The following MYO1E variants were observed in gnomAD, a reference collection of about 807,000 sequenced individuals.
MYO1E encodes unconventional myosin-Ie.
MYO1E carries 68 observed loss-of-function variants against 151.1 expected under a neutral mutation model. The ratio of observed to expected loss-of-function variants is 0.45; its 90% CI spans 0.37 to 0.55. The LOEUF is 0.55. MYO1E is among the 20% of genes least tolerant of loss of function. The pLI is 0.00. For missense variants in MYO1E, 1,363 were observed against 1,389.3 expected (o/e 0.98, Z 0.30); for synonymous variants, 601 against 501.7 (o/e 1.20, Z -2.64).
intron 1 of MYO1E, among the ~76,000 whole-genome samples, chr15:59,310,891 A>C (rs760998220): frequency 1.1e-4 from 16 of 152,136 alleles, no homozygotes; most frequent in Admixed American, 7.2e-4. Context: ...TTTTGTTAAA[A>C]ACCTCCACTT....
At chr15:59,248,934 G>T (rs1316911751) in intron 4 of MYO1E, among the ~76,000 whole-genome samples, 1 of 152,140 alleles carries the variant, frequency 6.6e-6, no homozygotes. Context: ...CTGTCCACAG[G>T]CAGAATTCTG....
At chr15:59,354,305 G>A (rs1410018529) in intron 1 of MYO1E, among the ~76,000 whole-genome samples, 1 of 152,170 alleles carries the variant, frequency 6.6e-6, no homozygotes, top group Non-Finnish European at 1.5e-5. Flanking sequence ...GTTGGCTTAA[G>A]GAAAAACAAA....
At position 59,153,574 on chromosome 15, in the gene MYO1E, G is replaced by A. The variant is rs376857027; in HGVS notation, c.3080+16C>T. On this transcript the variant is annotated intron_variant, in intron 26 of 27. Coordinates refer to ENST00000288235, the MANE Select transcript of MYO1E (RefSeq NM_004998.4). ...TGGAGCTTGCCGGCTTCATCCAGAGGATGTGAGAATCTTACCCTGCAGCTC... is the reference window on the plus strand; with the variant it reads ...TGGAGCTTGCCGGCTTCATCCAGAGAATGTGAGAATCTTACCCTGCAGCTC... 2.5e-6 allele frequency: 4 copies of A among 1,612,970 alleles called. No homozygotes were observed. The highest frequency in any genetic ancestry group is 3.4e-6 in the Non-Finnish European group (4 of 1,179,232).
chr15:59,259,188 C>T (rs771154667), intron 3 of MYO1E, among the ~76,000 whole-genome samples: 2 of 152,060 alleles, frequency 1.3e-5, no homozygotes, highest in Non-Finnish European at 2.9e-5. Flanking sequence ...TAAAAATGTA[C>T]TTACTTGTTC....
chr15:59,323,812 G>T (rs981589163), intron 1 of MYO1E, among the ~76,000 whole-genome samples: 2 of 152,044 alleles, frequency 1.3e-5, no homozygotes, highest in African/African-American at 4.8e-5. Context: ...GGGACAAAGG[G>T]TGCAGCCAGA....
intron 18 of MYO1E, among the ~76,000 whole-genome samples, chr15:59,182,537 G>GT (rs1216818459): frequency 1.3e-5 from 2 of 152,114 alleles, no homozygotes; most frequent in Non-Finnish European, 2.9e-5. Context: ...ACCAAGAAAA[G>GT]TATGACAACA....
At position 59,205,500 on chromosome 15, in the gene MYO1E, A is replaced by G; in HGVS notation, c.1531-15T>C. On this transcript the variant is annotated splice_polypyrimidine_tract_variant and intron_variant, in intron 14 of 27. Transcript: ENST00000288235. ...TCATAGGATACCTGGCCAAGAATGG[A>G]AAGAAATCGAATTTCATTGAACAAA... 6.3e-7 allele frequency: 1 copy of G among 1,597,816 alleles called. No homozygotes were observed. Among genetic ancestry groups the G allele is most frequent in the East Asian group, 2.2e-5 (1 of 44,808 alleles).
intron 26 of MYO1E, among the ~76,000 whole-genome samples, chr15:59,141,593 G>A (rs992705277): frequency 6.6e-6 from 1 of 152,144 alleles, no homozygotes; most frequent in Non-Finnish European, 1.5e-5. Context: ...GAAGTCAGGA[G>A]TTCGAGACCA....
At chr15:59,193,200 A>AT (rs1372617137) in intron 17 of MYO1E, among the ~76,000 whole-genome samples, 3 of 152,204 alleles carry the variant, frequency 2.0e-5, no homozygotes, top group Admixed American at 6.5e-5. Flanking sequence ...GAAACTCGGG[A>AT]TGGAGCCCAG....
chr15:59,314,591 A>C (rs1337473677), intron 1 of MYO1E, among the ~76,000 whole-genome samples: 1 of 152,090 alleles, frequency 6.6e-6, no homozygotes, highest in Admixed American at 6.6e-5. Flanking sequence ...CTGAGTGGTC[A>C]GTGGCTTAGG....
At position 59,178,458 on chromosome 15, in the gene MYO1E, C is replaced by A; in HGVS notation, c.1984G>T (p.Val662Phe). Residue 662 changes from valine (V) to phenylalanine (F), a missense_variant, in exon 19 of 28, where the codon GTC (valine) becomes TTC (phenylalanine). Coordinates refer to ENST00000288235, the MANE Select transcript of MYO1E (RefSeq NM_004998.4). ...TGGAACTGGTCGCTGTCCATGTTGACCGACTGCAGCAGGTGCAGGACGCCT... is the reference window on the plus strand; with the variant it reads ...TGGAACTGGTCGCTGTCCATGTTGAACGACTGCAGCAGGTGCAGGACGCCT... ...KQGVLHLLQS[V>F]NMDSDQFQLG... The A allele has an allele frequency of 1.2e-6, 2 of 1,614,222 alleles. No individual in the cohort carries two copies. Among genetic ancestry groups the A allele is most frequent in the South Asian group, 1.1e-5 (1 of 91,080 alleles).
Position 59,140,578 on chromosome 15 carries a change from A to G in MYO1E, c.3081-2211T>C, listed in dbSNP as rs77533620. Among the ~76,000 whole-genome samples, 1,342 of 152,326 alleles carry G rather than the reference A, an allele frequency of 8.8e-3. 31 individuals carry two copies. Among genetic ancestry groups the G allele is most frequent in the African/African-American group, 0.03 (1,244 of 41,578 alleles). ...GCACATCATTCACACCTACAGGAGCAAGGAGGAAAAGGGAGGGCCTTCCTG... is the reference window on the plus strand; with the variant it reads ...GCACATCATTCACACCTACAGGAGCGAGGAGGAAAAGGGAGGGCCTTCCTG... On this transcript the variant is annotated intron_variant, in intron 26 of 27. Coordinates refer to ENST00000288235, the MANE Select transcript of MYO1E (RefSeq NM_004998.4).
Position 59,161,154 on chromosome 15 carries a change from C to G in MYO1E, c.2704G>C (p.Gly902Arg). The part of the protein sequence containing the change: ...GGSRQVQFHQ[G>R]FGDLAVLKPS... The stretch of plus-strand genomic sequence containing the variant: ...TTGAGGACAGCCAGGTCCCCAAACC[C>G]TTGGTGGAACTGCACTTGCCGGGAG... Residue 902 changes from glycine to arginine, a missense_variant, in exon 24 of 28, where the codon GGG (glycine) becomes CGG (arginine). By Grantham distance (125) the Gly-to-Arg change is moderately radical. Transcript: ENST00000288235. 6.2e-7 allele frequency: 1 copy of G among 1,614,100 alleles called. No individual in the cohort carries two copies. The highest frequency in any genetic ancestry group is 8.5e-7 in the Non-Finnish European group (1 of 1,180,018).
intron 6 of MYO1E, among the ~76,000 whole-genome samples, chr15:59,229,388 C>A (rs779213482): frequency 1.8e-4 from 28 of 152,188 alleles, no homozygotes; most frequent in Non-Finnish European, 3.4e-4. Flanking sequence ...AGGTTGAGAA[C>A]CACTGCTCTA....
intron 13 of MYO1E, among the ~76,000 whole-genome samples, chr15:59,209,813 AC>A: frequency 1.4e-5 from 1 of 71,166 alleles, no homozygotes; most frequent in Non-Finnish European, 3.2e-5. Context: ...ATTTTGAATC[AC>A]CTTTTTTTTT....
At chr15:59,268,662 C>G (rs1214015897) in intron 2 of MYO1E, among the ~76,000 whole-genome samples, 1 of 138,970 alleles carries the variant, frequency 7.2e-6, no homozygotes, top group Non-Finnish European at 1.5e-5. Context: ...ACTGAAAGCT[C>G]TACACCAAGA....
intron 26 of MYO1E, among the ~76,000 whole-genome samples, chr15:59,149,108 G>A (rs2079461241): frequency 6.9e-6 from 1 of 144,964 alleles, no homozygotes; most frequent in African/African-American, 2.6e-5. Flanking sequence ...CCAGGCTGGA[G>A]TGCAGTGGCC....
intron 16 of MYO1E, 143 bp from the exon 17 acceptor site, chr15:59,195,710 G>A (rs1312768595): frequency 2.3e-6 from 2 of 854,818 alleles, no homozygotes; most frequent in African/African-American, 1.7e-5. Context: ...CATAACTCAG[G>A]TCTACTAAAC....
chr15:59,151,916 A>ACAC (rs1446240446), intron 26 of MYO1E, among the ~76,000 whole-genome samples: 1 of 151,812 alleles, frequency 6.6e-6, no homozygotes, highest in African/African-American at 2.4e-5. Context: ...ACACACACAC[A>ACAC]AATTAGCCGG....
Sources: gnomAD v4.1 joint callset for allele counts (sites outside exome capture counted in the v4.1 genomes callset) on GRCh38, gnomAD v4.1.1 for gene constraint, MANE v1.5 for transcripts, NCBI Gene and HGNC (gene_info 2026-07-23, HGNC 2026-07-21) for gene names.